The following PEBP4 variants were observed in gnomAD, a reference collection of about 807,000 sequenced individuals.
PEBP4 encodes phosphatidylethanolamine-binding protein 4.
Under a neutral mutation model 23.9 loss-of-function variants are expected in PEBP4, and 22 were observed. The ratio of observed to expected loss-of-function variants is 0.92; its 90% CI spans 0.66 to 1.31. PEBP4 has a LOEUF of 1.31. Ranked by LOEUF, PEBP4 falls within the 40% of genes most tolerant of loss-of-function variation. PEBP4 has a pLI of 0.00. For missense variants in PEBP4, 324 were observed against 281.7 expected, an observed-to-expected ratio of 1.15 and a Z score of -1.07; for synonymous variants, 112 against 99.3, an observed-to-expected ratio of 1.13 and a Z score of -0.76.
intron 4 of PEBP4, among the ~76,000 whole-genome samples, chr8:22,728,361 C>T (rs80004019): frequency 1.5e-3 from 231 of 152,290 alleles, no homozygotes; most frequent in Non-Finnish European, 2.0e-3. Flanking sequence ...TCAGATATCC[C>T]TCTTCCAAGG....
intron 4 of PEBP4, among the ~76,000 whole-genome samples, chr8:22,782,429 C>G (rs1180405885): frequency 3.3e-5 from 5 of 152,194 alleles, no homozygotes; most frequent in African/African-American, 9.7e-5. Context: ...CCACCAGATC[C>G]AGACCTCTGC....
intron 4 of PEBP4, chr8:22,798,738 T>TC (rs1465845131): frequency 5.8e-5 from 7 of 120,136 alleles, no homozygotes; most frequent in East Asian, 2.1e-4. Flanking sequence ...CTTTTTTTTT[T>TC]TTTTTTTTTT....
chr8:22,823,034 GATA>G (rs1436607388), intron 3 of PEBP4, among the ~76,000 whole-genome samples: 1 of 151,928 alleles, frequency 6.6e-6, no homozygotes, highest in Non-Finnish European at 1.5e-5. Flanking sequence ...AAATAGGGAT[GATA>G]ATAATTTTGG....
At chr8:22,851,981 A>C (rs1168368647) in intron 3 of PEBP4, among the ~76,000 whole-genome samples, 1 of 152,090 alleles carries the variant, frequency 6.6e-6, no homozygotes, top group East Asian at 1.9e-4. Context: ...TGGGGCAGGG[A>C]AAGAAATTAA....
chr8:22,753,734 C>T (rs1041432764), intron 4 of PEBP4, among the ~76,000 whole-genome samples: 12 of 152,124 alleles, frequency 7.9e-5, no homozygotes, highest in Admixed American at 2.6e-4. Flanking sequence ...GGGGCTTTGC[C>T]GGGCTGGTGG....
intron 4 of PEBP4, among the ~76,000 whole-genome samples, chr8:22,777,305 G>T (rs1019953512): frequency 6.6e-6 from 1 of 152,130 alleles, no homozygotes; most frequent in Non-Finnish European, 1.5e-5. Context: ...GGAAGAGGAG[G>T]GTGTGGCTAC....
chr8:22,875,158 G>T (rs1007569916), intron 3 of PEBP4, among the ~76,000 whole-genome samples: 1 of 151,322 alleles, frequency 6.6e-6, no homozygotes, highest in Non-Finnish European at 1.5e-5. Flanking sequence ...GTGCTTTTTC[G>T]CCCCCGAGAC....
At chr8:22,804,676 A>G (rs915602694) in intron 4 of PEBP4, among the ~76,000 whole-genome samples, 2 of 152,006 alleles carry the variant, frequency 1.3e-5, no homozygotes, top group African/African-American at 2.4e-5. Context: ...ATGCATATTC[A>G]CATCCCCTGA....
rs375271651 is a variant in PEBP4 at position 22,728,827 on chromosome 8, A to T, written c.358-1607T>A. Reference sequence around the variant, plus strand: ...TGGTCAGACTGGTTTCGAACTCCTGACCTCAGGTGATCCACCCGCCTCAGG... The same window carrying T: ...TGGTCAGACTGGTTTCGAACTCCTGTCCTCAGGTGATCCACCCGCCTCAGG... On this transcript the variant is annotated intron_variant, in intron 4 of 6. Coordinates refer to ENST00000256404, the MANE Select transcript of PEBP4 (RefSeq NM_144962.3). Among the ~76,000 whole-genome samples the T allele has an allele frequency of 1.6e-4, 25 of 152,156 alleles. No homozygotes were observed. In the East Asian group the frequency reaches 4.4e-3, roughly 27 times the overall value.
Position 22,751,608 on chromosome 8 carries a change from G to C in PEBP4, c.358-24388C>G, listed in dbSNP as rs1388617672. The stretch of plus-strand genomic sequence containing the variant: ...TGTGTCTGTGTGTGTGTGTGTGTGT[G>C]TCTGTGTGTGTGTGTGTGTCTCTGT... On this transcript the variant is annotated intron_variant, in intron 4 of 6. Transcript: ENST00000256404. Among the ~76,000 whole-genome samples, 263 of 130,770 alleles carry C rather than the reference G, an allele frequency of 2.0e-3. 1 individual carries two copies. Among genetic ancestry groups the C allele is most frequent in the African/African-American group, 6.8e-3 (247 of 36,066 alleles). The allele number at this position is 130,770 out of a possible 152,430, so 85.8% of individuals were successfully genotyped here. A position where few individuals can be genotyped will look rare whatever the true frequency, so the allele number is the denominator to read the frequency against.
intron 3 of PEBP4, among the ~76,000 whole-genome samples, chr8:22,850,910 A>G (rs1807537777): frequency 6.6e-6 from 1 of 152,202 alleles, no homozygotes; most frequent in South Asian, 2.1e-4. Context: ...GCTTCATGCC[A>G]TGTCCCACTT....
intron 3 of PEBP4, among the ~76,000 whole-genome samples, chr8:22,905,692 C>G (rs568324248): frequency 1.3e-5 from 2 of 152,204 alleles, no homozygotes; most frequent in East Asian, 3.9e-4. Context: ...AGGTCAGAGG[C>G]GGTGGCCAAG....
intron 3 of PEBP4, among the ~76,000 whole-genome samples, chr8:22,818,647 T>C (rs995235379): frequency 6.6e-6 from 1 of 152,160 alleles, no homozygotes; most frequent in Admixed American, 6.5e-5. Context: ...TATGCTCTGA[T>C]TTATGCTTTT....
intron 3 of PEBP4, among the ~76,000 whole-genome samples, chr8:22,858,273 G>A (rs1807698107): frequency 6.6e-6 from 1 of 152,200 alleles, no homozygotes; most frequent in Non-Finnish European, 1.5e-5. Flanking sequence ...AATAGTGACG[G>A]CATCTGAGGA....
intron 3 of PEBP4, among the ~76,000 whole-genome samples, chr8:22,849,306 G>T (rs542429213): frequency 6.6e-6 from 1 of 152,318 alleles, no homozygotes; most frequent in East Asian, 1.9e-4. Context: ...TAGATATTAG[G>T]TGCCTTCTAC....
upstream of PEBP4, among the ~76,000 whole-genome samples, chr8:22,929,339 G>C (rs150893281): frequency 2.8e-4 from 42 of 152,348 alleles, no homozygotes; most frequent in African/African-American, 9.6e-4. Flanking sequence ...GATGCTGCCA[G>C]AAGGGCTGCC....
chr8:22,890,371 C>T (rs971580109), intron 3 of PEBP4, among the ~76,000 whole-genome samples: 3 of 152,360 alleles, frequency 2.0e-5, no homozygotes, highest in Admixed American at 6.5e-5. Flanking sequence ...ACACTTTGGG[C>T]AGCGATTCTC....
At chr8:22,737,874 G>A (rs1804901997) in intron 4 of PEBP4, among the ~76,000 whole-genome samples, 3 of 152,154 alleles carry the variant, frequency 2.0e-5, no homozygotes, top group South Asian at 2.1e-4. Context: ...CCGCAGCGCC[G>A]TCCAAGTGTA....
chr8:22,851,596 C>T (rs1472090312), intron 3 of PEBP4, among the ~76,000 whole-genome samples: 1 of 152,158 alleles, frequency 6.6e-6, no homozygotes, highest in Admixed American at 6.5e-5. Flanking sequence ...TCTCCCAGGG[C>T]GCCACCCACC....
Sources: allele counts gnomAD v4.1 joint callset (sites outside exome capture counted in the v4.1 genomes callset), GRCh38; gene constraint gnomAD v4.1.1; transcripts MANE v1.5; gene names NCBI Gene and HGNC (gene_info 2026-07-23, HGNC 2026-07-21).